The following GRM1 variants were observed in gnomAD, a reference collection of about 807,000 sequenced individuals.
GRM1 encodes the protein glutamate metabotropic receptor 1.
GRM1 carries 33 observed loss-of-function variants against 90.9 expected under a neutral mutation model. That is an observed-to-expected ratio of 0.36 (90% CI 0.28 to 0.49). GRM1 has a LOEUF of 0.49. Ranked by LOEUF, GRM1 falls within the 20% of genes least tolerant of loss-of-function variation. GRM1 has a pLI of 0.99. For synonymous variants in GRM1, 700 were observed against 613.2 expected (o/e 1.14, Z -2.09); for missense variants, 1,190 against 1,534.3 (o/e 0.78, Z 3.75).
chr6:146,180,996 A>T (rs1261858044), intron 2 of GRM1, among the ~76,000 whole-genome samples: 2 of 152,216 alleles, frequency 1.3e-5, no homozygotes, highest in African/African-American at 2.4e-5. Context: ...TAAAACCCAT[A>T]GGATTATGAA....
Position 146,375,430 on chromosome 6 carries a change from T to G in GRM1, c.1603-11460T>G, listed in dbSNP as rs375536943. Among the ~76,000 whole-genome samples the G allele has an allele frequency of 3.9e-5, 6 of 152,150 alleles. No individual in the cohort carries two copies. The South Asian group carries it at 6.2e-4, about 16-fold the overall frequency. ...GATCCATTTGTTTTATAGTGCAGAT[T>G]AAGTCTGATGTTTCTTTGTTGATTT... is the stretch of plus-strand genomic sequence containing the variant. On this transcript the variant is annotated intron_variant, in intron 5 of 7. Coordinates refer to ENST00000282753, the MANE Select transcript of GRM1 (RefSeq NM_001278064.2).
chr6:146,145,202 A>G lies in GRM1; in HGVS notation c.701-14146A>G, dbSNP rs148599228. ...AAAACCCTCACTTTGGCACATAAAG[A>G]GTGAAAAAGTATGTTCAGATGAAGA... On this transcript the variant is annotated intron_variant, in intron 1 of 7. Coordinates refer to ENST00000282753, the MANE Select transcript of GRM1 (RefSeq NM_001278064.2). 5.4e-3 allele frequency among the ~76,000 whole-genome samples: 820 copies of G among 152,362 alleles called. 6 individuals carry two copies. The highest frequency in any genetic ancestry group is 0.019 in the African/African-American group (787 of 41,590).
At chr6:146,362,232 G>A (rs1404385577) in intron 5 of GRM1, among the ~76,000 whole-genome samples, 1 of 152,172 alleles carries the variant, frequency 6.6e-6, no homozygotes. Flanking sequence ...GAATTCTGGA[G>A]ATATTAGGTG....
intron 5 of GRM1, among the ~76,000 whole-genome samples, chr6:146,380,139 C>T (rs1468396297): frequency 6.6e-6 from 1 of 152,014 alleles, no homozygotes; most frequent in Non-Finnish European, 1.5e-5. Context: ...AGGCCCTGGG[C>T]TCTACAGTCA....
intron 5 of GRM1, among the ~76,000 whole-genome samples, chr6:146,383,872 CCT>C (rs1444816826): frequency 6.6e-6 from 1 of 152,052 alleles, no homozygotes; most frequent in African/African-American, 2.4e-5. Flanking sequence ...CCAGACTTAG[CCT>C]TCTGCCATAA....
At chr6:146,337,260 A>G (rs937795604) in intron 3 of GRM1, among the ~76,000 whole-genome samples, 8 of 152,194 alleles carry the variant, frequency 5.3e-5, no homozygotes, top group African/African-American at 1.9e-4. Context: ...CTCATGTCCC[A>G]GGTTCTGCCT....
At chr6:146,072,372 T>C (rs918614709) in intron 1 of GRM1, among the ~76,000 whole-genome samples, 4 of 152,152 alleles carry the variant, frequency 2.6e-5, no homozygotes, top group Non-Finnish European at 4.4e-5. Context: ...CTCCCTCCTT[T>C]CATGCATTAT....
intron 5 of GRM1, among the ~76,000 whole-genome samples, chr6:146,358,464 A>T (rs1374340502): frequency 6.6e-6 from 1 of 152,164 alleles, no homozygotes; most frequent in Admixed American, 6.5e-5. Context: ...ATGACCTAAT[A>T]GATCTTTCCC....
intron 2 of GRM1, among the ~76,000 whole-genome samples, chr6:146,259,033 T>C (rs993561201): frequency 6.6e-6 from 1 of 152,188 alleles, no homozygotes; most frequent in African/African-American, 2.4e-5. Context: ...CTCCTGGGGC[T>C]GGCAAAGACT....
At chr6:146,337,773 G>T (rs886336437) in intron 3 of GRM1, among the ~76,000 whole-genome samples, 1 of 152,018 alleles carries the variant, frequency 6.6e-6, no homozygotes, top group Non-Finnish European at 1.5e-5. Flanking sequence ...TATAATAAAT[G>T]TTATCATTAT....
chr6:146,182,655 A>C (rs1202132762), intron 2 of GRM1, among the ~76,000 whole-genome samples: 1 of 152,146 alleles, frequency 6.6e-6, no homozygotes, highest in Non-Finnish European at 1.5e-5. Context: ...AGGTTGGATA[A>C]ATGGAGTGCT....
At chr6:146,193,407 G>A (rs558029008) in intron 2 of GRM1, among the ~76,000 whole-genome samples, 228 of 152,272 alleles carry the variant, frequency 1.5e-3, no homozygotes, top group African/African-American at 5.3e-3. Context: ...AGCAAGTAAA[G>A]AGACTGAGAC....
At chr6:146,357,405 A>G in intron 4 of GRM1, 121 bp from the exon 5 acceptor site, 1 of 775,078 alleles carries the variant, frequency 1.3e-6, no homozygotes, top group East Asian at 2.6e-5. Flanking sequence ...AAATATTGGC[A>G]GTAGCTGATT....
chr6:146,091,290 T>C (rs942655589), intron 1 of GRM1, among the ~76,000 whole-genome samples: 1 of 152,058 alleles, frequency 6.6e-6, no homozygotes, highest in Non-Finnish European at 1.5e-5. Context: ...TTTCAGGAAG[T>C]AGAGCTCCCT....
chr6:146,345,534 T>A (rs924320392), intron 3 of GRM1, among the ~76,000 whole-genome samples: 1 of 152,222 alleles, frequency 6.6e-6, no homozygotes, highest in Non-Finnish European at 1.5e-5. Context: ...TCCCTTTGTG[T>A]TATTAGCTCA....
Position 146,399,760 on chromosome 6 carries a change from T to A in GRM1, c.2660+61T>A. 1 of 1,093,438 alleles carries A rather than the reference T, an allele frequency of 9.1e-7. No individual in the cohort carries two copies. The highest frequency in any genetic ancestry group is 1.3e-6 in the Non-Finnish European group (1 of 743,258). 67.7% of individuals were successfully genotyped at this position (1,093,438 alleles called of 1,614,324 possible). The stretch of plus-strand genomic sequence containing the variant: ...TCCTTTCTCTGTCTCTTTCTCTCTC[T>A]CTCTCTCTCTCTCTTTCTCTGTCTC... On this transcript the variant is annotated intron_variant, in intron 7 of 7. Coordinates refer to ENST00000282753, the MANE Select transcript of GRM1 (RefSeq NM_001278064.2). The surrounding 1 kb of genome is among the most constrained non-coding windows in gnomAD (Gnocchi z 5.4).
At chr6:146,282,708 C>A (rs184182881) in intron 2 of GRM1, among the ~76,000 whole-genome samples, 32 of 152,120 alleles carry the variant, frequency 2.1e-4, no homozygotes, top group African/African-American at 6.0e-4. Context: ...TTATTTATTT[C>A]TTTCTACAGA....
At chr6:146,409,564 TTTTGTTTTGTTTTGC>T (rs1244737708) in intron 7 of GRM1, among the ~76,000 whole-genome samples, 1 of 152,146 alleles carries the variant, frequency 6.6e-6, no homozygotes, top group Non-Finnish European at 1.5e-5. Context: ...TTTTGTTTTG[TTTTGTTTTGTTTTGC>T]TTTGCTTTGT....
At chr6:146,067,385 A>G (rs976501452) in intron 1 of GRM1, among the ~76,000 whole-genome samples, 1 of 152,186 alleles carries the variant, frequency 6.6e-6, no homozygotes, top group African/African-American at 2.4e-5. Flanking sequence ...AACCACTATT[A>G]TTGTAAAGTC....
Sources: allele counts gnomAD v4.1 joint callset (sites outside exome capture counted in the v4.1 genomes callset), GRCh38; gene constraint gnomAD v4.1.1; non-coding constraint Gnocchi (gnomAD v3.1); transcripts MANE v1.5; gene names NCBI Gene and HGNC (gene_info 2026-07-23, HGNC 2026-07-21).